The following MPP4 variants were observed in gnomAD, a reference collection of about 807,000 sequenced individuals.
MPP4 encodes MAGUK p55 subfamily member 4.
MPP4 carries 91 observed loss-of-function variants against 98.3 expected under a neutral mutation model. The ratio of observed to expected loss-of-function variants is 0.93; its 90% CI spans 0.78 to 1.10. The LOEUF (loss-of-function observed/expected upper bound fraction) is 1.10, where lower values mean the gene tolerates loss of function less well. MPP4 is among the 50% of genes least tolerant of loss of function. MPP4 has a pLI of 0.00. For synonymous variants in MPP4, 261 were observed against 271.8 expected (o/e 0.96, Z 0.39); for missense variants, 744 against 792.9 (o/e 0.94, Z 0.74).
At chr2:201,697,176 C>T (rs1689214046) in intron 1 of MPP4, among the ~76,000 whole-genome samples, 1 of 152,172 alleles carries the variant, frequency 6.6e-6, no homozygotes, top group African/African-American at 2.4e-5. Flanking sequence ...CTCGCAAGAA[C>T]CCAACCATGC....
chr2:201,661,476 A>G (rs1362270983), intron 14 of MPP4: 1 of 456,626 alleles, frequency 2.2e-6, no homozygotes, highest in Non-Finnish European at 4.4e-6. Flanking sequence ...AGCTGGGTTC[A>G]GAACGTATCG....
chr2:201,692,207 T>G (rs905531630), intron 3 of MPP4, among the ~76,000 whole-genome samples: 1 of 152,210 alleles, frequency 6.6e-6, no homozygotes, highest in African/African-American at 2.4e-5. Flanking sequence ...GTAGTTGCTA[T>G]GATCTGAATG....
intron 16 of MPP4, among the ~76,000 whole-genome samples, chr2:201,657,002 G>A (rs1305766819): frequency 6.6e-6 from 1 of 152,234 alleles, no homozygotes; most frequent in African/African-American, 2.4e-5. Flanking sequence ...CAGGGCCTCT[G>A]AAAGTGTTGG....
intron 10 of MPP4, among the ~76,000 whole-genome samples, chr2:201,676,756 T>C (rs1299359391): frequency 6.6e-6 from 1 of 152,062 alleles, no homozygotes; most frequent in Admixed American, 6.6e-5. Context: ...AAAAATTAGT[T>C]GGACGTGGTG....
chr2:201,667,235 T>C (rs987692328), intron 12 of MPP4, among the ~76,000 whole-genome samples: 5 of 152,242 alleles, frequency 3.3e-5, no homozygotes, highest in Non-Finnish European at 7.3e-5. Flanking sequence ...TGTCATCTGC[T>C]TCTCTCCTTC....
rs753265608 is a variant in MPP4, at chr2:201,675,288, A to G, written c.930-17T>C. On this transcript the variant is annotated splice_polypyrimidine_tract_variant and intron_variant, in intron 10 of 21. Coordinates refer to ENST00000409474, the MANE Select transcript of MPP4 (RefSeq NM_033066.3). ...CGTTGCTTCCTATGGGGGGGAAAAA[A>G]CCATGCGACAAAAAACAAACAAAAA... The G allele has an allele frequency of 8.7e-6, 14 of 1,600,998 alleles. 1 individual carries two copies. The highest frequency in any genetic ancestry group is 6.9e-5 in the Admixed American group (4 of 57,966).
At chr2:201,676,612 A>G (rs1405906923) in intron 10 of MPP4, among the ~76,000 whole-genome samples, 3 of 152,216 alleles carry the variant, frequency 2.0e-5, no homozygotes, top group African/African-American at 7.2e-5. Flanking sequence ...ACAGTATAAA[A>G]AAGTAGGCTG....
intron 18 of MPP4, among the ~76,000 whole-genome samples, chr2:201,653,492 C>T (rs913077192): frequency 6.6e-6 from 1 of 152,150 alleles, no homozygotes; most frequent in Non-Finnish European, 1.5e-5. Flanking sequence ...CCTTTTATAC[C>T]CTCGAGGTGT....
At chr2:201,649,543 T>A in intron 20 of MPP4, 33 bp downstream of exon 20, 1 of 1,485,458 alleles carries the variant, frequency 6.7e-7, no homozygotes, top group Non-Finnish European at 9.3e-7. Flanking sequence ...GCATTCATTG[T>A]TTGGGGACAT....
intron 18 of MPP4, chr2:201,650,479 G>C: frequency 1.0e-6 from 1 of 985,392 alleles, no homozygotes. Context: ...TGAACCTTTA[G>C]ATGCCTGAAA....
Position 201,686,036 on chromosome 2 carries a change from G to A in MPP4, c.375C>T (p.Ala125=). 11 of 1,611,920 alleles carry A rather than the reference G, an allele frequency of 6.8e-6. No homozygotes were observed. The highest frequency in any genetic ancestry group is 9.3e-6 in the Non-Finnish European group (11 of 1,178,252). Reference sequence around the variant, plus strand: ...AATCTTTCTGAGCTATCGTGTCATGGGCACTGAGCAAGGCCTGGGCACAGG... The same window carrying A: ...AATCTTTCTGAGCTATCGTGTCATGAGCACTGAGCAAGGCCTGGGCACAGG... ...QAPHFKALLS[A]HDTIAQKDFE... is the part of the protein sequence containing the mutation. The change falls in exon 6 of 22, where the codon GCC becomes GCT. Residue 125 remains alanine, a synonymous_variant. Transcript: ENST00000409474.
intron 19 of MPP4, 63 bp downstream of exon 19, chr2:201,650,009 G>T: frequency 7.0e-7 from 1 of 1,426,668 alleles, no homozygotes; most frequent in South Asian, 1.3e-5. Flanking sequence ...CATAAAAATA[G>T]GGAATCTATT....
intron 11 of MPP4, chr2:201,673,538 C>G: frequency 4.8e-6 from 1 of 210,162 alleles, no homozygotes; most frequent in South Asian, 7.7e-5. Flanking sequence ...CCTGCACGTT[C>G]TGCACATGTA....
chr2:201,695,359 G>A (rs951002396), intron 1 of MPP4, among the ~76,000 whole-genome samples: 8 of 152,174 alleles, frequency 5.3e-5, no homozygotes, highest in Non-Finnish European at 1.0e-4. Flanking sequence ...GTGAAGAATC[G>A]CCTCATGCCC....
At chr2:201,680,712 C>T in intron 10 of MPP4, 126 bp downstream of exon 10, 1 of 762,310 alleles carries the variant, frequency 1.3e-6, no homozygotes, top group South Asian at 2.2e-5. Flanking sequence ...ATTTATAAAC[C>T]AGTGTGTGTG....
intron 21 of MPP4, 98 bp from the exon 22 acceptor site, chr2:201,645,502 G>A: frequency 9.6e-7 from 1 of 1,038,718 alleles, no homozygotes; most frequent in Non-Finnish European, 1.3e-6. Flanking sequence ...GTGAAACTAT[G>A]TATAAAAACA....
At chr2:201,679,760 A>G (rs2105937151) in intron 10 of MPP4, among the ~76,000 whole-genome samples, 1 of 150,662 alleles carries the variant, frequency 6.6e-6, no homozygotes, top group South Asian at 2.1e-4. Context: ...ACACCACTCC[A>G]CTCTCCCCTC....
intron 14 of MPP4, among the ~76,000 whole-genome samples, chr2:201,661,734 G>A (rs1688033094): frequency 1.3e-5 from 2 of 152,172 alleles, no homozygotes. Flanking sequence ...AGGGCAGAGA[G>A]GTTAAGAGCC....
chr2:201,651,879 A>G, intron 18 of MPP4: 2 of 402,280 alleles, frequency 5.0e-6, no homozygotes. Context: ...GCTTGAACCC[A>G]GGAGGTGAGG....
Sources: allele counts gnomAD v4.1 joint callset (sites outside exome capture counted in the v4.1 genomes callset), GRCh38; gene constraint gnomAD v4.1.1; transcripts MANE v1.5; gene names NCBI Gene and HGNC (gene_info 2026-07-23, HGNC 2026-07-21).